SPINK5: variants seen among roughly 807,000 people sequenced by gnomAD.
The protein encoded by SPINK5 is serine peptidase inhibitor Kazal type 5, also known as serine protease inhibitor Kazal-type 5.
SPINK5 carries 125 observed loss-of-function variants against 151.8 expected under a neutral mutation model. The ratio of observed to expected loss-of-function variants is 0.82; its 90% CI spans 0.71 to 0.96. The LOEUF is 0.96. Among genes scored for constraint, SPINK5 ranks in the 40% least tolerant of loss-of-function variants. The pLI is 0.00. For synonymous variants in SPINK5, 374 were observed against 395.3 expected (o/e 0.95, Z 0.64); for missense variants, 1,194 against 1,291.9 (o/e 0.92, Z 1.16).
chr5:148,122,274 G>T (rs558431468), intron 26 of SPINK5, among the ~76,000 whole-genome samples: 1 of 152,236 alleles, frequency 6.6e-6, no homozygotes, highest in African/African-American at 2.4e-5. Context: ...ACCTGGAAAA[G>T]AAAATACTTC....
intron 9 of SPINK5, among the ~76,000 whole-genome samples, chr5:148,095,415 A>G (rs1753428624): frequency 6.6e-6 from 1 of 151,980 alleles, no homozygotes; most frequent in African/African-American, 2.4e-5. Context: ...CAAGAAGCTT[A>G]AGTTCAGTAG....
At chr5:148,072,787 C>G (rs949560108) in intron 4 of SPINK5, among the ~76,000 whole-genome samples, 1 of 150,776 alleles carries the variant, frequency 6.6e-6, no homozygotes, top group African/African-American at 2.4e-5. Flanking sequence ...CCTCCTAATT[C>G]AACTATAGTT....
At chr5:148,131,889 A>G (rs879914215) in intron 31 of SPINK5, among the ~76,000 whole-genome samples, 1 of 152,164 alleles carries the variant, frequency 6.6e-6, no homozygotes, top group Non-Finnish European at 1.5e-5. Flanking sequence ...AGAAAGCCCA[A>G]TAAATAAATA....
intron 8 of SPINK5, among the ~76,000 whole-genome samples, chr5:148,093,830 T>C (rs1166875951): frequency 6.6e-6 from 1 of 151,930 alleles, no homozygotes; most frequent in Non-Finnish European, 1.5e-5. Context: ...TATCTTTTAA[T>C]AAACCTACCA....
chr5:148,136,955 C>T, intron 32 of SPINK5, 28 bp from the exon 33 acceptor site: 1 of 1,613,568 alleles, frequency 6.2e-7, no homozygotes. Flanking sequence ...TGGGTTCTAG[C>T]ATCTAACCTA....
chr5:148,115,828 T>G (rs1364900038), intron 21 of SPINK5, among the ~76,000 whole-genome samples: 4 of 151,762 alleles, frequency 2.6e-5, no homozygotes, highest in African/African-American at 9.7e-5. Flanking sequence ...CTTGTCTTTT[T>G]TTTTTTTTTT....
intron 10 of SPINK5, among the ~76,000 whole-genome samples, chr5:148,096,863 A>G (rs571454468): frequency 5.7e-4 from 85 of 149,788 alleles, no homozygotes; most frequent in Non-Finnish European, 1.0e-3. Context: ...CTCTCAAGCT[A>G]TCCTCACACC....
chr5:148,079,309 A>T (rs917953268), intron 4 of SPINK5, among the ~76,000 whole-genome samples: 2 of 151,226 alleles, frequency 1.3e-5, no homozygotes, highest in African/African-American at 4.8e-5. Flanking sequence ...CCAAGAGCAG[A>T]TGACTTTATT....
chr5:148,107,150 G>A lies in SPINK5; in HGVS notation c.1593G>A (p.Met531Ile), dbSNP rs1753805152. ...AAATGCATGGAAACAAGTGTGCCAT[G>A]TGTGCCAGTGTGTTGTGAGTGTCCA... Reference protein sequence around the residue: ...DGKMHGNKCAMCASVFKLEEE... With the variant: ...DGKMHGNKCAICASVFKLEEE... The change falls in exon 17 of 33, where the codon ATG (methionine) becomes ATA (isoleucine). Residue 531 changes from methionine to isoleucine, a missense_variant. Coordinates refer to ENST00000256084, the MANE Select transcript of SPINK5 (RefSeq NM_006846.4). The A allele has an allele frequency of 6.2e-7, 1 of 1,612,380 alleles. No individual in the cohort carries two copies. Among genetic ancestry groups the A allele is most frequent in the African/African-American group, 1.3e-5 (1 of 74,962 alleles).
At chr5:148,081,384 G>A (rs1256895642) in intron 4 of SPINK5, among the ~76,000 whole-genome samples, 1 of 151,674 alleles carries the variant, frequency 6.6e-6, no homozygotes, top group Non-Finnish European at 1.5e-5. Context: ...GTCCACTGGT[G>A]AATTGATAAA....
chr5:148,095,720 A>C, intron 9 of SPINK5, 98 bp from the exon 10 acceptor site: 1 of 1,048,242 alleles, frequency 9.5e-7, no homozygotes, highest in Non-Finnish European at 1.5e-6. Context: ...TTGTACTAAA[A>C]CTCAGGACAA....
At position 148,127,000 on chromosome 5, in the gene SPINK5, A is replaced by G. The variant is rs772801284; in HGVS notation, c.2885A>G (p.Glu962Gly). 2.5e-6 allele frequency: 4 copies of G among 1,612,814 alleles called. No individual in the cohort carries two copies. The East Asian group carries it at 6.7e-5, about 27-fold the overall frequency. Residue 962 changes from glutamate to glycine, a missense_variant, in exon 30 of 33, where the codon GAA (glutamate) becomes GGA (glycine). Coordinates refer to ENST00000256084, the MANE Select transcript of SPINK5 (RefSeq NM_006846.4). ...TTCTCTAGTCTAACAGAAGCTTTGG[A>G]AAGGGCAAAGCTTCAAGAAAAGCCA... ...CRAVFLTEAL[E>G]RAKLQEKPSH...
Position 148,097,862 on chromosome 5 carries a change from T to C in SPINK5, c.883-5T>C, listed in dbSNP as rs1281517732. On this transcript the variant is annotated splice_region_variant and splice_polypyrimidine_tract_variant and intron_variant, in intron 10 of 32. Transcript: ENST00000256084. ...TATCTCAACTTTTTCTTATTCATTA[T>C]TCAGAAACTCTGCAGTCAATATCAA... 6.2e-7 allele frequency: 1 copy of C among 1,604,360 alleles called. No homozygotes were observed. Among genetic ancestry groups the C allele is most frequent in the East Asian group, 2.2e-5 (1 of 44,694 alleles).
At chr5:148,110,712 A>G (rs1753902243) in intron 18 of SPINK5, among the ~76,000 whole-genome samples, 1 of 152,082 alleles carries the variant, frequency 6.6e-6, no homozygotes, top group Admixed American at 6.6e-5. Context: ...GGAGGGGAAC[A>G]TCACACACCG....
intron 22 of SPINK5, among the ~76,000 whole-genome samples, chr5:148,116,889 A>G (rs1432173013): frequency 6.6e-6 from 1 of 152,218 alleles, no homozygotes; most frequent in African/African-American, 2.4e-5. Flanking sequence ...AGATTGGGTT[A>G]TGATTCTGCT....
intron 16 of SPINK5, among the ~76,000 whole-genome samples, chr5:148,105,480 G>A (rs1418092949): frequency 1.3e-5 from 2 of 152,086 alleles, no homozygotes; most frequent in East Asian, 3.9e-4. Context: ...ATTAAGTTGG[G>A]CCTCTGACTT....
intron 4 of SPINK5, among the ~76,000 whole-genome samples, chr5:148,073,816 A>T (rs1459645003): frequency 3.5e-4 from 3 of 8,652 alleles, no homozygotes; most frequent in Non-Finnish European, 7.4e-4. Flanking sequence ...TGCCTGAGTC[A>T]CACACACACA....
intron 20 of SPINK5, among the ~76,000 whole-genome samples, chr5:148,113,231 G>T (rs1461473256): frequency 2.6e-5 from 4 of 152,140 alleles, no homozygotes. Context: ...AAAACAAACG[G>T]CTGGCCAGAT....
At chr5:148,122,581 C>T (rs10060151) in intron 26 of SPINK5, among the ~76,000 whole-genome samples, 33,050 of 151,910 alleles carry the variant, frequency 0.22, 4,638 homozygotes, top group East Asian at 0.45. Flanking sequence ...GTTCTATTGG[C>T]TTCTTTTTAT....
Sources: allele counts gnomAD v4.1 joint callset (sites outside exome capture counted in the v4.1 genomes callset), GRCh38; gene constraint gnomAD v4.1.1; transcripts MANE v1.5; gene names NCBI Gene and HGNC (gene_info 2026-07-23, HGNC 2026-07-21).